The following ASXL2 variants were observed in gnomAD, a reference collection of about 807,000 sequenced individuals.
ASXL2 encodes ASXL transcriptional regulator 2.
Under a neutral mutation model 122.0 loss-of-function variants are expected in ASXL2, and 23 were observed. That is an observed-to-expected ratio of 0.19 (90% CI 0.14 to 0.27). The LOEUF (loss-of-function observed/expected upper bound fraction) is 0.27. Ranked by LOEUF, ASXL2 falls within the 10% of genes least tolerant of loss-of-function variation. ASXL2 has a pLI of 1.00. For missense variants in ASXL2, 1,518 were observed against 1,713.8 expected (o/e 0.89, Z 2.02); for synonymous variants, 650 against 637.0 (o/e 1.02, Z -0.31).
intron 3 of ASXL2, among the ~76,000 whole-genome samples, chr2:25,815,506 AT>A (rs1334399178): frequency 6.6e-6 from 1 of 152,068 alleles, no homozygotes; most frequent in Non-Finnish European, 1.5e-5. Flanking sequence ...TGAAACACAT[AT>A]TTATAACTAC....
At chr2:25,801,054 G>A (rs2149172013) in intron 4 of ASXL2, among the ~76,000 whole-genome samples, 1 of 152,250 alleles carries the variant, frequency 6.6e-6, no homozygotes, top group South Asian at 2.1e-4. Flanking sequence ...AGCCTCTGGA[G>A]CAGCTGGGAC....
chr2:25,755,191 T>C (rs985563295), intron 10 of ASXL2, among the ~76,000 whole-genome samples: 1 of 152,252 alleles, frequency 6.6e-6, no homozygotes, highest in Admixed American at 6.5e-5. Flanking sequence ...GTTTTACTTA[T>C]GTCTGCATAT....
At chr2:25,804,638 T>C (rs1282705602) in intron 4 of ASXL2, among the ~76,000 whole-genome samples, 2 of 152,148 alleles carry the variant, frequency 1.3e-5, no homozygotes, top group African/African-American at 2.4e-5. Flanking sequence ...CCTTAGAATT[T>C]TCAGTTACAT....
At chr2:25,818,490 G>A (rs564052338) in intron 3 of ASXL2, among the ~76,000 whole-genome samples, 35 of 152,266 alleles carry the variant, frequency 2.3e-4, no homozygotes, top group South Asian at 1.4e-3. Context: ...CAGCCTGGGC[G>A]ACTGAGTGAG....
Position 25,742,038 on chromosome 2 carries a change from G to T in ASXL2, c.4299C>A (p.Val1433=), listed in dbSNP as rs371044436. 6.2e-7 allele frequency: 1 copy of T among 1,611,672 alleles called. No individual in the cohort carries two copies. The highest frequency in any genetic ancestry group is 1.1e-5 in the South Asian group (1 of 90,842). Residue 1433 remains valine (V), a synonymous_variant, in exon 13 of 13, where the codon GTC becomes GTA. Transcript: ENST00000435504. ...TCTCTTTCTAGTCTCATTACCGAAC[G>T]ACAAGGCAGGAGACGCACAGTTTGG... ...GPSKLCVSCL[V]VR is the part of the protein sequence containing the mutation.
intron 1 of ASXL2, among the ~76,000 whole-genome samples, chr2:25,846,690 C>G (rs998968791): frequency 6.6e-6 from 1 of 152,012 alleles, no homozygotes; most frequent in Admixed American, 6.6e-5. Context: ...GTGGTGCTCG[C>G]CTATAATTTT....
At chr2:25,862,896 A>G (rs1298080833) in intron 1 of ASXL2, among the ~76,000 whole-genome samples, 1 of 151,966 alleles carries the variant, frequency 6.6e-6, no homozygotes, top group Admixed American at 6.6e-5. Flanking sequence ...GTGAGCCATC[A>G]CGCCCAGCCA....
intron 5 of ASXL2, among the ~76,000 whole-genome samples, chr2:25,782,692 C>A (rs946740996): frequency 1.3e-5 from 2 of 152,146 alleles, no homozygotes; most frequent in Non-Finnish European, 2.9e-5. Flanking sequence ...TCAGTTATAA[C>A]GTTAAAGAGA....
chr2:25,827,416 G>A (rs1323832254), intron 3 of ASXL2, among the ~76,000 whole-genome samples: 1 of 152,004 alleles, frequency 6.6e-6, no homozygotes, highest in Non-Finnish European at 1.5e-5. Context: ...AGAAATTACT[G>A]AATTAATAAA....
At position 25,759,512 on chromosome 2, in the gene ASXL2, C is replaced by T. The variant is rs760516696; in HGVS notation, c.909G>A (p.Leu303=). 3 of 1,613,906 alleles carry T rather than the reference C, an allele frequency of 1.9e-6. No homozygotes were observed. Among genetic ancestry groups the T allele is most frequent in the Non-Finnish European group, 2.5e-6 (3 of 1,179,830 alleles). The change falls in exon 9 of 13, where the codon CTG becomes CTA. Residue 303 remains leucine (L), a synonymous_variant. Coordinates refer to ENST00000435504, the MANE Select transcript of ASXL2 (RefSeq NM_018263.6). ...GATCTACCTCTGGGAGTAGTAAAAG[C>T]AGTCGTTGCTGGCAATCTCCAGGAA... is the stretch of plus-strand genomic sequence containing the variant. The part of the protein sequence containing the change: ...SVLPGDCQQR[L]LLLLPEVDRQ...
At chr2:25,762,886 C>A (rs923148919) in intron 8 of ASXL2, among the ~76,000 whole-genome samples, 6 of 151,958 alleles carry the variant, frequency 3.9e-5, no homozygotes, top group African/African-American at 1.5e-4. Flanking sequence ...CACAAGGACA[C>A]AGAAATGAAG....
intron 5 of ASXL2, among the ~76,000 whole-genome samples, chr2:25,773,767 C>T (rs761580804): frequency 6.6e-6 from 1 of 151,448 alleles, no homozygotes; most frequent in African/African-American, 2.4e-5. Flanking sequence ...CTGGGCACGG[C>T]GGCTCACACC....
intron 3 of ASXL2, among the ~76,000 whole-genome samples, chr2:25,829,806 G>A (rs1184848578): frequency 1.3e-5 from 2 of 152,184 alleles, no homozygotes; most frequent in African/African-American, 4.8e-5. Flanking sequence ...GCAAGTGGGA[G>A]AAGATCACAA....
chr2:25,841,692 C>G (rs183658195), intron 2 of ASXL2, among the ~76,000 whole-genome samples: 1 of 151,998 alleles, frequency 6.6e-6, no homozygotes, highest in East Asian at 1.9e-4. Context: ...ACTAAAAATA[C>G]AAAAATTAGC....
chr2:25,878,425 T>TGCCACTGCTACCGCC lies in ASXL2; in HGVS notation c.-218_-204dup. The TGCCACTGCTACCGCC allele has an allele frequency of 1.7e-6, 1 of 598,898 alleles. No homozygotes were observed. Among genetic ancestry groups the TGCCACTGCTACCGCC allele is most frequent in the Non-Finnish European group, 3.0e-6 (1 of 337,846 alleles). 37.1% of individuals were successfully genotyped at this position (598,898 alleles called of 1,614,324 possible). A position where few individuals can be genotyped will look rare whatever the true frequency, so the allele number is the denominator to read the frequency against. On this transcript the variant is annotated 5_prime_UTR_variant, in exon 1 of 13. Coordinates refer to ENST00000435504, the MANE Select transcript of ASXL2 (RefSeq NM_018263.6). ...GGGCGGCCGGTCCTCTTGCTGCCGT[T>TGCCACTGCTACCGCC]GCCACTGCTACCGCCGCTGCCATAT...
At chr2:25,766,940 G>A (rs1220981134) in intron 8 of ASXL2, among the ~76,000 whole-genome samples, 1 of 152,026 alleles carries the variant, frequency 6.6e-6, no homozygotes, top group Non-Finnish European at 1.5e-5. Flanking sequence ...TCCAATTCTT[G>A]AGCCTTCCCG....
At chr2:25,875,497 T>C (rs1353985683) in intron 1 of ASXL2, among the ~76,000 whole-genome samples, 2 of 151,724 alleles carry the variant, frequency 1.3e-5, no homozygotes, top group Non-Finnish European at 2.9e-5. Context: ...ACAATTATAA[T>C]AATAATGATA....
At chr2:25,845,598 T>G (rs2149193314) in intron 1 of ASXL2, 35 bp from the exon 2 acceptor site, 1 of 905,388 alleles carries the variant, frequency 1.1e-6, no homozygotes, top group African/African-American at 1.8e-5. Context: ...AATTATTTCT[T>G]ATTTCAAGTT....
intron 1 of ASXL2, among the ~76,000 whole-genome samples, chr2:25,873,445 A>C (rs1000440853): frequency 2.0e-5 from 3 of 152,002 alleles, no homozygotes; most frequent in Non-Finnish European, 4.4e-5. Flanking sequence ...TACACTTCCT[A>C]TATCAAAGTA....
Sources: gnomAD v4.1 joint callset for allele counts (sites outside exome capture counted in the v4.1 genomes callset) on GRCh38, gnomAD v4.1.1 for gene constraint, MANE v1.5 for transcripts, NCBI Gene and HGNC (gene_info 2026-07-23, HGNC 2026-07-21) for gene names.